Variants in GSDME observed in about 807,000 individuals in gnomAD.
GSDME encodes gasdermin E.
Under a neutral mutation model 47.5 loss-of-function variants are expected in GSDME, and 44 were observed. The observed-to-expected ratio is 0.93, with a 90% confidence interval of 0.73 to 1.19. The LOEUF is 1.19. GSDME is among the 50% of genes most tolerant of loss of function. The pLI, the probability that GSDME is intolerant of heterozygous loss-of-function variation, is 0.00. For missense variants in GSDME, 663 were observed against 604.2 expected (o/e 1.10, Z -1.02); for synonymous variants, 258 against 252.8 (o/e 1.02, Z -0.20).
the GSDME span, among the ~76,000 whole-genome samples, chr7:24,785,221 G>A: frequency 6.6e-6 from 1 of 152,142 alleles, no homozygotes; most frequent in African/African-American, 2.4e-5. Flanking sequence ...GTGTAACAGA[G>A]ACCATGTGGT....
In GSDME at chr7:24,710,322, A is replaced by AG; in HGVS notation, c.763dup (p.Leu255ProfsTer50). The AG allele has an allele frequency of 6.2e-7, 1 of 1,614,252 alleles. No homozygotes were observed. Among genetic ancestry groups the AG allele is most frequent in the Non-Finnish European group, 8.5e-7 (1 of 1,180,032 alleles). ...AAACTCTCGAAAGACCAGGGGGTCC[A>AG]GGTAGACAGAGTCAATTCTCTTCTT... On this transcript the variant is annotated frameshift_variant, in exon 6 of 10. Coordinates refer to ENST00000645220, the MANE Select transcript of GSDME (RefSeq NM_001127453.2). LOFTEE classifies it high-confidence loss of function.
rs977682810 is a variant in GSDME at position 24,732,844 on chromosome 7, C to G, written c.404+11718G>C. Among the ~76,000 whole-genome samples the G allele has an allele frequency of 2.0e-5, 3 of 152,200 alleles. No individual in the cohort carries two copies. ...TAAACTAGAAAGGCAGTCTAGGCCA[C>G]AAGGACTGCAGCTCCTAGGCAAGTC... On this transcript the variant is annotated intron_variant, in intron 3 of 9. Coordinates refer to ENST00000645220, the MANE Select transcript of GSDME (RefSeq NM_001127453.2). The surrounding 1 kb of genome is among the most constrained non-coding windows in gnomAD (Gnocchi z 4.8).
intron 3 of GSDME, among the ~76,000 whole-genome samples, chr7:24,722,421 G>A (rs760850444): frequency 6.6e-5 from 10 of 152,120 alleles, no homozygotes; most frequent in Non-Finnish European, 1.2e-4. Context: ...TGTAACCACC[G>A]GTCAGAACAT....
Position 24,724,501 on chromosome 7 carries a change from A to C in GSDME, c.405-5283T>G, listed in dbSNP as rs1789902209. 6.6e-6 allele frequency among the ~76,000 whole-genome samples: 1 copy of C among 152,204 alleles called. No individual in the cohort carries two copies. Among genetic ancestry groups the C allele is most frequent in the African/African-American group, 2.4e-5 (1 of 41,454 alleles). ...TGGCGGGGGCGGCAACGTGAAAGCAAGAACAGGAGGCCACTGAGGCAGAGG... is the reference window on the plus strand; with the variant it reads ...TGGCGGGGGCGGCAACGTGAAAGCACGAACAGGAGGCCACTGAGGCAGAGG... On this transcript the variant is annotated intron_variant, in intron 3 of 9. Coordinates refer to ENST00000645220, the MANE Select transcript of GSDME (RefSeq NM_001127453.2). This position sits in a 1 kb window ranked among gnomAD's most constrained non-coding sequence, Gnocchi z 4.8.
chr7:24,706,238 C>T lies in GSDME; in HGVS notation c.1129G>A (p.Ala377Thr). The T allele has an allele frequency of 6.2e-7, 1 of 1,614,240 alleles. No individual in the cohort carries two copies. The highest frequency in any genetic ancestry group is 2.2e-5 in the East Asian group (1 of 44,874). The part of the protein sequence containing the change: ...LQGGCPGPED[A>T]GSKQLFMTAY... ...GTCATAAACAGCTGCTTGCTGCCTGCATCCTCGGGGCCCGGACACCCACCC... is the reference window on the plus strand; with the variant it reads ...GTCATAAACAGCTGCTTGCTGCCTGTATCCTCGGGGCCCGGACACCCACCC... The change falls in exon 8 of 10, where the codon GCA (alanine) becomes ACA (threonine). Residue 377 changes from alanine to threonine, a missense_variant. By Grantham distance (58) the Ala-to-Thr change is moderately conservative (BLOSUM62 0). Transcript: ENST00000645220.
In GSDME at chr7:24,726,090, A is replaced by T. The variant is rs1789958087; in HGVS notation, c.405-6872T>A. On this transcript the variant is annotated intron_variant, in intron 3 of 9. Coordinates refer to ENST00000645220, the MANE Select transcript of GSDME (RefSeq NM_001127453.2). The surrounding 1 kb of genome is among the most constrained non-coding windows in gnomAD (Gnocchi z 5.6). ...TCAGAGCCCAGCGTGGTTGCTGGGGACCAGAGCAGCCCAGCAGGAAGGGAG... is the reference window on the plus strand; with the variant it reads ...TCAGAGCCCAGCGTGGTTGCTGGGGTCCAGAGCAGCCCAGCAGGAAGGGAG... 1.3e-5 allele frequency among the ~76,000 whole-genome samples: 2 copies of T among 152,228 alleles called. No individual in the cohort carries two copies. The highest frequency in any genetic ancestry group is 2.1e-4 in the South Asian group (1 of 4,814).
chr7:24,714,389 A>G lies in GSDME; in HGVS notation c.697+2865T>C, dbSNP rs1158187604. Among the ~76,000 whole-genome samples, 1 of 151,642 alleles carries G rather than the reference A, an allele frequency of 6.6e-6. No individual in the cohort carries two copies. The highest frequency in any genetic ancestry group is 1.9e-4 in the East Asian group (1 of 5,178). The stretch of plus-strand genomic sequence containing the variant: ...TGCAGGTTTATGTCTATGAAGCTAT[A>G]CCAGAACATTCTGTAGCAAGAGCAA... On this transcript the variant is annotated intron_variant, in intron 5 of 9. Coordinates refer to ENST00000645220, the MANE Select transcript of GSDME (RefSeq NM_001127453.2). This position sits in a 1 kb window ranked among gnomAD's most constrained non-coding sequence, Gnocchi z 5.0.
In GSDME at chr7:24,725,701, C is replaced by T. The variant is rs1216840525; in HGVS notation, c.405-6483G>A. Among the ~76,000 whole-genome samples the T allele has an allele frequency of 6.6e-6, 1 of 152,202 alleles. No homozygotes were observed. The highest frequency in any genetic ancestry group is 1.5e-5 in the Non-Finnish European group (1 of 68,036). On this transcript the variant is annotated intron_variant, in intron 3 of 9. Transcript: ENST00000645220. This position sits in a 1 kb window ranked among gnomAD's most constrained non-coding sequence, Gnocchi z 5.1. The stretch of plus-strand genomic sequence containing the variant: ...TTCACAGTGCTTTTCTATACAGTGT[C>T]TGTAATGTATAGATAACATAACTGA...
rs1488988714 is a variant in GSDME, at chr7:24,739,203, G to A, written c.404+5359C>T. On this transcript the variant is annotated intron_variant, in intron 3 of 9. Transcript: ENST00000645220. The surrounding 1 kb of genome is among the most constrained non-coding windows in gnomAD (Gnocchi z 5.1). ...AATGAAGAGACAACTCACAGAATGG[G>A]ATAAAATATTTTTACACTACCCATG... Among the ~76,000 whole-genome samples, 2 of 152,094 alleles carry A rather than the reference G, an allele frequency of 1.3e-5. No homozygotes were observed. Among genetic ancestry groups the A allele is most frequent in the African/African-American group, 4.8e-5 (2 of 41,410 alleles).
chr7:24,741,522 A>C (rs889536101), intron 3 of GSDME, among the ~76,000 whole-genome samples: 1 of 152,204 alleles, frequency 6.6e-6, no homozygotes, highest in African/African-American at 2.4e-5. Context: ...TGCCCAGCAC[A>C]GGCTTGTTTT....
chr7:24,759,876 TA>T (rs1386568097), upstream of GSDME, among the ~76,000 whole-genome samples: 3 of 152,242 alleles, frequency 2.0e-5, no homozygotes, highest in Non-Finnish European at 2.9e-5. Flanking sequence ...ATAACTTTTT[TA>T]AAAAAATAAT....
intron 3 of GSDME, among the ~76,000 whole-genome samples, chr7:24,734,105 A>C (rs915789125): frequency 3.3e-5 from 5 of 152,194 alleles, no homozygotes; most frequent in African/African-American, 1.2e-4. Context: ...TTTTGGAGAA[A>C]GTAAGGGAAG....
chr7:24,777,872 CAA>C, the GSDME span, among the ~76,000 whole-genome samples: 2 of 152,008 alleles, frequency 1.3e-5, no homozygotes, highest in African/African-American at 4.8e-5. Flanking sequence ...ATCTCCAAAA[CAA>C]AAGCAAAAAC....
intron 9 of GSDME, among the ~76,000 whole-genome samples, chr7:24,701,350 C>T (rs140067370): frequency 2.0e-5 from 3 of 152,230 alleles, no homozygotes; most frequent in East Asian, 1.9e-4. Context: ...TTCTGAACTC[C>T]GAATGTGTTC....
In GSDME at chr7:24,706,286, G is replaced by A. The variant is rs1474617254; in HGVS notation, c.1081C>T (p.Gln361Ter). 1.9e-6 allele frequency: 3 copies of A among 1,614,154 alleles called. No homozygotes were observed. Among genetic ancestry groups the A allele is most frequent in the Non-Finnish European group, 1.7e-6 (2 of 1,180,030 alleles). The change falls in exon 8 of 10, where the codon CAG becomes TAG. Residue 361 changes from glutamine to a stop codon, truncating the protein, a stop_gained. Coordinates refer to ENST00000645220, the MANE Select transcript of GSDME (RefSeq NM_001127453.2). LOFTEE classifies it high-confidence loss of function. ...CCCTGTAAGCTGCACCCCACCAGCT[G>A]CAGGAAGGCCACAAGGTCCTGCTGC... is the stretch of plus-strand genomic sequence containing the variant. ...RQQQDLVAFL[Q>*]LVGCSLQGGC...
intron 1 of GSDME, among the ~76,000 whole-genome samples, chr7:24,755,839 T>C (rs1342959858): frequency 6.6e-6 from 1 of 152,232 alleles, no homozygotes. Flanking sequence ...ACAGAAATCA[T>C]TGCTATGGAA....
At chr7:24,701,923 T>C (rs796577935) in intron 9 of GSDME, among the ~76,000 whole-genome samples, 8 of 152,326 alleles carry the variant, frequency 5.3e-5, no homozygotes, top group African/African-American at 1.9e-4. Context: ...AGTAGATGTA[T>C]ACCAAATGTC....
At chr7:24,774,363 G>T in the GSDME span, among the ~76,000 whole-genome samples, 2 of 125,540 alleles carry the variant, frequency 1.6e-5, no homozygotes, top group Admixed American at 8.9e-5. Context: ...CTTCCTTCCT[G>T]TCCATCTTTC....
chr7:24,756,364 A>C lies in GSDME; in HGVS notation c.-20+1032T>G, dbSNP rs1791016672. 6.6e-6 allele frequency among the ~76,000 whole-genome samples: 1 copy of C among 152,160 alleles called. No homozygotes were observed. The highest frequency in any genetic ancestry group is 6.5e-5 in the Admixed American group (1 of 15,288). Reference sequence around the variant, plus strand: ...TGACAGAGCGAGACCCTCTCTCAACAATAACAAAGAACCTAGCCAAGGGAC... The same window carrying C: ...TGACAGAGCGAGACCCTCTCTCAACCATAACAAAGAACCTAGCCAAGGGAC... On this transcript the variant is annotated intron_variant, in intron 1 of 9. Coordinates refer to ENST00000645220, the MANE Select transcript of GSDME (RefSeq NM_001127453.2). The surrounding 1 kb of genome is among the most constrained non-coding windows in gnomAD (Gnocchi z 4.2).
Sources: allele counts gnomAD v4.1 joint callset (sites outside exome capture counted in the v4.1 genomes callset), GRCh38; gene constraint gnomAD v4.1.1; non-coding constraint Gnocchi (gnomAD v3.1); transcripts MANE v1.5; gene names NCBI Gene and HGNC (gene_info 2026-07-23, HGNC 2026-07-21).